NUDCD1: variants seen among roughly 807,000 people sequenced by gnomAD.
NUDCD1 encodes NudC domain containing 1.
NUDCD1 carries 60 observed loss-of-function variants against 67.8 expected under a neutral mutation model. The ratio of observed to expected loss-of-function variants is 0.88; its 90% CI spans 0.72 to 1.10. The LOEUF is 1.10. Among genes scored for constraint, NUDCD1 ranks in the 50% least tolerant of loss-of-function variants. The pLI is 0.00. For missense variants in NUDCD1, 643 were observed against 695.0 expected, an observed-to-expected ratio of 0.93 and a Z score of 0.84; for synonymous variants, 244 against 230.8, an observed-to-expected ratio of 1.06 and a Z score of -0.52.
chr8:109,266,214 A>G (rs1179298276), intron 8 of NUDCD1, among the ~76,000 whole-genome samples: 1 of 148,946 alleles, frequency 6.7e-6, no homozygotes, highest in East Asian at 1.9e-4. Context: ...AAATTGATAT[A>G]AAAATTTATT....
chr8:109,269,021 G>GT (rs1814078182), intron 8 of NUDCD1, among the ~76,000 whole-genome samples: 1 of 152,130 alleles, frequency 6.6e-6, no homozygotes, highest in Admixed American at 6.6e-5. Context: ...AATTAGAAGA[G>GT]TAATTGAAGA....
intron 1 of NUDCD1, among the ~76,000 whole-genome samples, chr8:109,328,647 C>T (rs1262760699): frequency 6.6e-6 from 1 of 152,146 alleles, no homozygotes; most frequent in East Asian, 1.9e-4. Context: ...GTAGTGTACA[C>T]AGGAAAGTCT....
At chr8:109,323,642 TAAGA>T (rs1217832916) in intron 1 of NUDCD1, among the ~76,000 whole-genome samples, 1 of 152,056 alleles carries the variant, frequency 6.6e-6, no homozygotes, top group East Asian at 1.9e-4. Flanking sequence ...ACATAAAAGA[TAAGA>T]AAGAATTAAC....
chr8:109,276,072 G>C (rs1043829534), intron 6 of NUDCD1, among the ~76,000 whole-genome samples: 1 of 151,988 alleles, frequency 6.6e-6, no homozygotes, highest in African/African-American at 2.4e-5. Context: ...AATTAACTTT[G>C]GTAATACAGG....
At chr8:109,330,039 G>C (rs902395531) in intron 1 of NUDCD1, 59 of 563,758 alleles carry the variant, frequency 1.0e-4, no homozygotes, top group Non-Finnish European at 1.5e-4. Flanking sequence ...AAAGAATGAA[G>C]TATGAATTAG....
chr8:109,307,824 T>C (rs148360895), intron 2 of NUDCD1, among the ~76,000 whole-genome samples: 1 of 152,314 alleles, frequency 6.6e-6, no homozygotes, highest in Non-Finnish European at 1.5e-5. Flanking sequence ...AAGTAGCTAT[T>C]CTTATATCAG....
rs1563681331 is a variant in NUDCD1 at position 109,311,556 on chromosome 8, G to GATATATATATATATATATATATAT, written c.273+10752_273+10753insATATATATATATATATATATATAT. Among the ~76,000 whole-genome samples the GATATATATATATATATATATATAT allele has an allele frequency of 1.5e-3, 81 of 53,962 alleles. 3 individuals carry two copies. Among genetic ancestry groups the GATATATATATATATATATATATAT allele is most frequent in the African/African-American group, 9.1e-3 (72 of 7,900 alleles). The allele number at this position is 53,962 out of a possible 152,430, so 35.4% of individuals were successfully genotyped here. A position where few individuals can be genotyped will look rare whatever the true frequency, so the allele number is the denominator to read the frequency against. Reference sequence around the variant, plus strand: ...ATCAATGAGTGGATAAAGAAACTGTGGTGTATATATATATATGATGGGATA... The same window carrying GATATATATATATATATATATATAT: ...ATCAATGAGTGGATAAAGAAACTGTGATATATATATATATATATATATATGTGTATATATATATATGATGGGATA... On this transcript the variant is annotated intron_variant, in intron 2 of 9. Transcript: ENST00000239690.
chr8:109,300,398 T>C (rs1311585677), intron 2 of NUDCD1, among the ~76,000 whole-genome samples: 1 of 151,658 alleles, frequency 6.6e-6, no homozygotes, highest in Non-Finnish European at 1.5e-5. Flanking sequence ...ATAGCATAAA[T>C]AAAAAACAAT....
At chr8:109,270,259 T>C (rs1586265525) in intron 8 of NUDCD1, among the ~76,000 whole-genome samples, 1 of 151,514 alleles carries the variant, frequency 6.6e-6, no homozygotes, top group Non-Finnish European at 1.5e-5. Flanking sequence ...ATCATACAAA[T>C]TGGTAAGAAA....
intron 2 of NUDCD1, among the ~76,000 whole-genome samples, chr8:109,320,520 T>C (rs1000086586): frequency 6.6e-6 from 1 of 152,230 alleles, no homozygotes; most frequent in Non-Finnish European, 1.5e-5. Context: ...TTTTTCAAGG[T>C]GCCCACATTT....
chr8:109,250,753 T>C (rs1455283648), intron 8 of NUDCD1, among the ~76,000 whole-genome samples: 2 of 151,134 alleles, frequency 1.3e-5, no homozygotes, highest in African/African-American at 2.5e-5. Context: ...TCTGTTGATA[T>C]GGTGAATTAT....
At chr8:109,270,162 T>C (rs1814114448) in intron 8 of NUDCD1, among the ~76,000 whole-genome samples, 1 of 148,292 alleles carries the variant, frequency 6.7e-6, no homozygotes, top group South Asian at 2.1e-4. Context: ...GATGAATTAA[T>C]GAGCTGAATA....
chr8:109,267,206 C>A (rs1202779352), intron 8 of NUDCD1, among the ~76,000 whole-genome samples: 1 of 152,068 alleles, frequency 6.6e-6, no homozygotes, highest in Non-Finnish European at 1.5e-5. Context: ...GTTTGGTGCA[C>A]AGATTATTTC....
At chr8:109,271,799 T>C (rs1357101636) in intron 7 of NUDCD1, among the ~76,000 whole-genome samples, 8 of 152,056 alleles carry the variant, frequency 5.3e-5, no homozygotes, top group African/African-American at 1.4e-4. Context: ...GAGGAAAAGA[T>C]ACATTATTTA....
At position 109,280,955 on chromosome 8, in the gene NUDCD1, TAA is replaced by T. The variant is rs3830706; in HGVS notation, c.1028+11_1028+12del. On this transcript the variant is annotated intron_variant, in intron 6 of 9. Coordinates refer to ENST00000239690, the MANE Select transcript of NUDCD1 (RefSeq NM_032869.4). The stretch of plus-strand genomic sequence containing the variant: ...AGATAATAGAATATTAAAGTAAAAT[TAA>T]AAAAAAATACCTATTACTCTCTTTA... The T allele has an allele frequency of 4.8e-5, 62 of 1,282,696 alleles. No individual in the cohort carries two copies. Among genetic ancestry groups the T allele is most frequent in the South Asian group, 1.5e-4 (10 of 66,102 alleles). The allele number at this position is 1,282,696 out of a possible 1,614,324, so 79.5% of individuals were successfully genotyped here. A position where few individuals can be genotyped will look rare whatever the true frequency, so the allele number is the denominator to read the frequency against.
intron 5 of NUDCD1, among the ~76,000 whole-genome samples, chr8:109,287,963 T>C (rs1299384708): frequency 6.6e-6 from 1 of 152,148 alleles, no homozygotes; most frequent in African/African-American, 2.4e-5. Context: ...AGATTGTGTT[T>C]TAGGTCTTTA....
intron 2 of NUDCD1, among the ~76,000 whole-genome samples, chr8:109,301,760 C>T (rs1814996461): frequency 6.6e-6 from 1 of 152,242 alleles, no homozygotes; most frequent in South Asian, 2.1e-4. Context: ...CTAATAGAGA[C>T]AAAAGAGACA....
intron 8 of NUDCD1, among the ~76,000 whole-genome samples, chr8:109,252,337 A>G (rs972138022): frequency 2.6e-5 from 4 of 152,008 alleles, no homozygotes; most frequent in Admixed American, 1.3e-4. Context: ...AGGCATAGAG[A>G]TGGTGTTTTG....
chr8:109,252,079 G>T (rs1003818375), intron 8 of NUDCD1, among the ~76,000 whole-genome samples: 6 of 152,134 alleles, frequency 3.9e-5, no homozygotes, highest in African/African-American at 1.4e-4. Context: ...CACTGTGCAT[G>T]TTCACCTCAG....
Sources: allele counts gnomAD v4.1 joint callset (sites outside exome capture counted in the v4.1 genomes callset), GRCh38; gene constraint gnomAD v4.1.1; transcripts MANE v1.5; gene names NCBI Gene and HGNC (gene_info 2026-07-23, HGNC 2026-07-21).